CEP57L1: variants seen among roughly 807,000 people sequenced by gnomAD.
CEP57L1 encodes the protein centrosomal protein CEP57L1.
A neutral mutation model predicts 61.0 loss-of-function variants in CEP57L1; 37 were observed. That is an observed-to-expected ratio of 0.61 (90% CI 0.47 to 0.80). The LOEUF (loss-of-function observed/expected upper bound fraction) is 0.80, where lower values mean the gene tolerates loss of function less well. Among genes scored for constraint, CEP57L1 ranks in the 30% least tolerant of loss-of-function variants. CEP57L1 has a pLI of 0.00. For missense variants in CEP57L1, 422 were observed against 524.7 expected (o/e 0.80, Z 1.91); for synonymous variants, 137 against 162.3 (o/e 0.84, Z 1.19).
chr6:109,114,836 AAG>A (rs1257848138), intron 1 of CEP57L1, among the ~76,000 whole-genome samples: 4 of 152,186 alleles, frequency 2.6e-5, no homozygotes, highest in Non-Finnish European at 5.9e-5. Flanking sequence ...AAATAGCTAA[AAG>A]AGATAATTTT....
chr6:109,123,998 A>T (rs935651242), intron 1 of CEP57L1, among the ~76,000 whole-genome samples: 1 of 151,876 alleles, frequency 6.6e-6, no homozygotes, highest in Admixed American at 6.6e-5. Flanking sequence ...TTGAACCCAG[A>T]AGGTGGAGGT....
At position 109,172,058 on chromosome 6, in the gene CEP57L1, A is replaced by G. The variant is rs1252483275; in HGVS notation, c.*9088A>G. The stretch of plus-strand genomic sequence containing the variant: ...TTAAGTTATGGTTATGGTATATTAT[A>G]GCAAAAGAATATATATTAAAATCAG... On this transcript the variant is annotated 3_prime_UTR_variant, in exon 11 of 11. Coordinates refer to ENST00000517392, the MANE Select transcript of CEP57L1 (RefSeq NM_001271852.3). Among the ~76,000 whole-genome samples, 1 of 152,230 alleles carries G rather than the reference A, an allele frequency of 6.6e-6. No homozygotes were observed. The highest frequency in any genetic ancestry group is 1.9e-4 in the East Asian group (1 of 5,198).
intron 1 of CEP57L1, among the ~76,000 whole-genome samples, chr6:109,098,410 G>A (rs948589361): frequency 6.6e-6 from 1 of 151,942 alleles, no homozygotes; most frequent in Admixed American, 6.6e-5. Flanking sequence ...GCCTTGCAAA[G>A]TGCTGGATTA....
intron 2 of CEP57L1, 33 bp from the exon 3 acceptor site, chr6:109,146,725 A>G (rs1772000311): frequency 9.1e-6 from 13 of 1,421,566 alleles, no homozygotes; most frequent in Admixed American, 2.6e-5. Context: ...AGAAACTTTC[A>G]CTTAAAATAT....
chr6:109,160,545 TG>T, intron 9 of CEP57L1, 26 bp from the exon 10 acceptor site: 1 of 1,537,594 alleles, frequency 6.5e-7, no homozygotes, highest in Non-Finnish European at 8.9e-7. Context: ...ACTATAATAC[TG>T]CTTAATATTT....
At chr6:109,144,165 G>C (rs560374154) in intron 1 of CEP57L1, among the ~76,000 whole-genome samples, 1 of 152,294 alleles carries the variant, frequency 6.6e-6, no homozygotes, top group East Asian at 1.9e-4. Flanking sequence ...TGTTCTAGGA[G>C]ATTGCCAATC....
chr6:109,120,957 C>G (rs67570523), intron 1 of CEP57L1, among the ~76,000 whole-genome samples: 19,490 of 140,734 alleles, frequency 0.14, 1,498 homozygotes, highest in Middle Eastern at 0.23. Flanking sequence ...CACACACACA[C>G]AGTCACTCAC....
At chr6:109,116,743 C>A (rs1452240157) in intron 1 of CEP57L1, among the ~76,000 whole-genome samples, 1 of 152,050 alleles carries the variant, frequency 6.6e-6, no homozygotes, top group African/African-American at 2.4e-5. Flanking sequence ...TCAAAACAGG[C>A]CCAGACAATT....
chr6:109,158,209 C>T (rs904415144), intron 7 of CEP57L1: 5 of 156,400 alleles, frequency 3.2e-5, no homozygotes, highest in Non-Finnish European at 7.0e-5. Flanking sequence ...TATCTGGAGC[C>T]GGGCGCGGTG....
At position 109,133,142 on chromosome 6, in the gene CEP57L1, C is replaced by T. The variant is rs182036208; in HGVS notation, c.-3-12077C>T. Among the ~76,000 whole-genome samples, 30 of 152,094 alleles carry T rather than the reference C, an allele frequency of 2.0e-4. No homozygotes were observed. The East Asian group carries it at 3.5e-3, about 18-fold the overall frequency. The stretch of plus-strand genomic sequence containing the variant: ...ATGTATCAGACATATTTCTGAGTAC[C>T]TTACTTATGTTGTCTCATTTAATCC... On this transcript the variant is annotated intron_variant, in intron 1 of 10. Transcript: ENST00000517392.
intron 1 of CEP57L1, among the ~76,000 whole-genome samples, chr6:109,116,182 A>ATGT (rs1242913612): frequency 1.4e-5 from 2 of 138,586 alleles, no homozygotes; most frequent in African/African-American, 5.6e-5. Flanking sequence ...ATGTTATGTT[A>ATGT]TGTTACTTTT....
intron 1 of CEP57L1, among the ~76,000 whole-genome samples, chr6:109,111,610 A>G (rs568131027): frequency 6.6e-6 from 1 of 152,292 alleles, no homozygotes; most frequent in East Asian, 1.9e-4. Context: ...CGGTTTTCAA[A>G]GGGAATGCTT....
At chr6:109,096,801 G>C (rs1306266741) in intron 1 of CEP57L1, among the ~76,000 whole-genome samples, 1 of 152,072 alleles carries the variant, frequency 6.6e-6, no homozygotes, top group Non-Finnish European at 1.5e-5. Context: ...TCTCCTTTTT[G>C]GGATCTTCAT....
chr6:109,116,125 T>TATTTTA (rs1562512073), intron 1 of CEP57L1, among the ~76,000 whole-genome samples: 8 of 126,132 alleles, frequency 6.3e-5, no homozygotes, highest in African/African-American at 2.8e-4. Flanking sequence ...ATGTTATGTG[T>TATTTTA]TGTGTTATGT....
In CEP57L1 at chr6:109,163,984, C is replaced by T. The variant is rs1423565893; in HGVS notation, c.*1014C>T. 2 of 152,024 alleles carry T rather than the reference C, an allele frequency of 1.3e-5. No homozygotes were observed. Among genetic ancestry groups the T allele is most frequent in the East Asian group, 3.9e-4 (2 of 5,184 alleles). 9.4% of individuals were successfully genotyped at this position (152,024 alleles called of 1,614,324 possible). A position where few individuals can be genotyped will look rare whatever the true frequency, so the allele number is the denominator to read the frequency against. On this transcript the variant is annotated 3_prime_UTR_variant, in exon 11 of 11. Coordinates refer to ENST00000517392, the MANE Select transcript of CEP57L1 (RefSeq NM_001271852.3). ...CAAATCCTCTGAGGCAACTGGGGAA[C>T]TAGAGTCATGAACTGAATTAGAAAT...
At chr6:109,124,547 G>A (rs532106585) in intron 1 of CEP57L1, among the ~76,000 whole-genome samples, 19 of 152,316 alleles carry the variant, frequency 1.2e-4, no homozygotes, top group South Asian at 8.3e-4. Context: ...TTCCTCATCT[G>A]TAAAATAGGA....
In CEP57L1 at chr6:109,153,946, T is replaced by G. The variant is rs1423489178; in HGVS notation, c.576T>G (p.Ala192=). ...CFRLTTTQKT[A]EDKIKHLEEK... is the part of the protein sequence containing the mutation. ...GACTTACAACAACTCAGAAAACTGC[T>G]GAGGTAAGCTTTCTTTGAAGTGATG... The change falls in exon 5 of 11, where the codon GCT becomes GCG. Residue 192 remains alanine (A), a synonymous_variant. Coordinates refer to ENST00000517392, the MANE Select transcript of CEP57L1 (RefSeq NM_001271852.3). 23 of 1,531,926 alleles carry G rather than the reference T, an allele frequency of 1.5e-5. No homozygotes were observed. Among genetic ancestry groups the G allele is most frequent in the Non-Finnish European group, 1.9e-5 (21 of 1,112,076 alleles). The allele number at this position is 1,531,926 out of a possible 1,614,324, so 94.9% of individuals were successfully genotyped here. A position where few individuals can be genotyped will look rare whatever the true frequency, so the allele number is the denominator to read the frequency against.
chr6:109,145,115 C>T, intron 1 of CEP57L1, 104 bp from the exon 2 acceptor site: 1 of 613,082 alleles, frequency 1.6e-6, no homozygotes, highest in South Asian at 4.6e-5. Context: ...TACAACTCCA[C>T]AGTATATGAT....
At chr6:109,134,822 A>G (rs1209375824) in intron 1 of CEP57L1, among the ~76,000 whole-genome samples, 1 of 152,154 alleles carries the variant, frequency 6.6e-6, no homozygotes, top group Non-Finnish European at 1.5e-5. Flanking sequence ...AATTGCTTCA[A>G]AGAGAATAAA....
Sources: allele counts gnomAD v4.1 joint callset (sites outside exome capture counted in the v4.1 genomes callset), GRCh38; gene constraint gnomAD v4.1.1; transcripts MANE v1.5; gene names NCBI Gene and HGNC (gene_info 2026-07-23, HGNC 2026-07-21).